The following FLI1 variants were observed in gnomAD, a reference collection of about 807,000 sequenced individuals.
FLI1 encodes Friend leukemia integration 1 transcription factor.
Under a neutral mutation model 53.1 loss-of-function variants are expected in FLI1, and 13 were observed. The observed-to-expected ratio is 0.24, with a 90% CI of 0.16 to 0.39. The LOEUF (loss-of-function observed/expected upper bound fraction) is 0.39. FLI1 is among the 10% of genes least tolerant of loss of function. The probability of loss-of-function intolerance (pLI) is 1.00; values close to 1 mark genes in which losing one functional copy is unlikely to be tolerated. For missense variants in FLI1, 424 were observed against 600.5 expected (o/e 0.71, Z 3.07); for synonymous variants, 244 against 236.7 (o/e 1.03, Z -0.28).
chr11:128,780,608 T>C (rs1170842526), intron 4 of FLI1, among the ~76,000 whole-genome samples: 1 of 152,100 alleles, frequency 6.6e-6, no homozygotes, highest in Non-Finnish European at 1.5e-5. Flanking sequence ...AAAAAATAAA[T>C]AAATAAATTC....
chr11:128,701,400 T>C (rs1938327980), intron 1 of FLI1, among the ~76,000 whole-genome samples: 1 of 152,238 alleles, frequency 6.6e-6, no homozygotes, highest in African/African-American at 2.4e-5. Flanking sequence ...CATTCTTCCA[T>C]GAGTTGGCTG....
At chr11:128,757,041 ATTTTTT>A (rs1940893456) in intron 1 of FLI1, among the ~76,000 whole-genome samples, 1 of 123,298 alleles carries the variant, frequency 8.1e-6, no homozygotes, top group South Asian at 2.6e-4. Context: ...TATCTAGCTA[ATTTTTT>A]CTTTCTTTCT....
At chr11:128,773,951 C>T (rs1035249801) in intron 4 of FLI1, among the ~76,000 whole-genome samples, 1 of 152,034 alleles carries the variant, frequency 6.6e-6, no homozygotes, top group Non-Finnish European at 1.5e-5. Context: ...AAGGCAGCTG[C>T]GAGTCTTGCA....
chr11:128,787,788 T>C (rs1942135919), intron 5 of FLI1, among the ~76,000 whole-genome samples: 1 of 149,728 alleles, frequency 6.7e-6, no homozygotes, highest in African/African-American at 2.5e-5. Context: ...ATTAACATTA[T>C]TATTGAAAGC....
At chr11:128,730,214 T>C (rs1939637319) in intron 1 of FLI1, among the ~76,000 whole-genome samples, 1 of 152,256 alleles carries the variant, frequency 6.6e-6, no homozygotes, top group African/African-American at 2.4e-5. Context: ...TTAAAAACTT[T>C]ACTTATATCC....
At chr11:128,781,849 C>G in intron 4 of FLI1, 109 bp from the exon 5 acceptor site, 32 of 843,172 alleles carry the variant, frequency 3.8e-5, no homozygotes, top group Non-Finnish European at 5.8e-5. Context: ...CTCTGTCCCT[C>G]TTCCCCTCTC....
At chr11:128,780,002 G>A (rs768515319) in intron 4 of FLI1, among the ~76,000 whole-genome samples, 1 of 152,204 alleles carries the variant, frequency 6.6e-6, no homozygotes. Flanking sequence ...AAAAGATACA[G>A]TAAAAATACA....
chr11:128,809,248 C>T (rs574261476), intron 8 of FLI1, 44 bp downstream of exon 8: 11 of 1,560,590 alleles, frequency 7.0e-6, no homozygotes, highest in Admixed American at 6.7e-5. Context: ...CAGAATGTTT[C>T]GTAGCTTTGT....
At chr11:128,686,021 C>A (rs990959048), upstream of FLI1, 1 of 228,800 alleles carries the variant, frequency 4.4e-6, no homozygotes, top group African/African-American at 2.3e-5. Flanking sequence ...TTCCCAAAAA[C>A]CTATTTTCTA....
intron 1 of FLI1, among the ~76,000 whole-genome samples, chr11:128,722,935 CA>C (rs1159938323): frequency 6.6e-6 from 1 of 152,156 alleles, no homozygotes; most frequent in African/African-American, 2.4e-5. Flanking sequence ...GGCTCATCAA[CA>C]GTGAATGCTT....
chr11:128,754,812 A>G (rs1212779920), intron 1 of FLI1, among the ~76,000 whole-genome samples: 1 of 152,208 alleles, frequency 6.6e-6, no homozygotes, highest in African/African-American at 2.4e-5. Flanking sequence ...AAATGCCCAG[A>G]CTGGACAGAA....
chr11:128,778,155 T>A (rs1188374540), intron 4 of FLI1, among the ~76,000 whole-genome samples: 1 of 152,188 alleles, frequency 6.6e-6, no homozygotes, highest in East Asian at 1.9e-4. Flanking sequence ...TACAAATATA[T>A]ACATACAAAC....
At chr11:128,773,291 A>C (rs1313126256) in intron 4 of FLI1, among the ~76,000 whole-genome samples, 1 of 152,210 alleles carries the variant, frequency 6.6e-6, no homozygotes, top group Non-Finnish European at 1.5e-5. Context: ...TCCAATTTGA[A>C]AATAGATAGA....
At chr11:128,701,057 G>T (rs1353200420) in intron 1 of FLI1, among the ~76,000 whole-genome samples, 2 of 152,200 alleles carry the variant, frequency 1.3e-5, no homozygotes, top group East Asian at 3.8e-4. Flanking sequence ...GAAATGAGCA[G>T]CAGTCAGGAT....
chr11:128,733,894 TGAG>T (rs758619391), intron 1 of FLI1, among the ~76,000 whole-genome samples: 38 of 152,304 alleles, frequency 2.5e-4, no homozygotes, highest in Non-Finnish European at 4.3e-4. Flanking sequence ...CATTGTTCAG[TGAG>T]GAGTCAGCTC....
intron 5 of FLI1, among the ~76,000 whole-genome samples, chr11:128,789,534 G>T (rs1213517155): frequency 6.6e-6 from 1 of 152,152 alleles, no homozygotes; most frequent in Non-Finnish European, 1.5e-5. Flanking sequence ...GAAATTCTCC[G>T]TAACTCAAAA....
chr11:128,805,637 T>G (rs1342402478), intron 6 of FLI1: 1 of 538,796 alleles, frequency 1.9e-6, no homozygotes, highest in Non-Finnish European at 3.3e-6. Flanking sequence ...TTTTGAGTTT[T>G]GTTTTATTGC....
In FLI1 at chr11:128,739,233, G is replaced by A. The variant is rs779785537; in HGVS notation, c.19-18882G>A. Among the ~76,000 whole-genome samples the A allele has an allele frequency of 7.7e-4, 118 of 152,268 alleles. 3 individuals carry two copies. Among genetic ancestry groups the A allele is most frequent in the African/African-American group, 5.1e-4 (21 of 41,548 alleles). ...TAGCACTTGCTCCATTCTTAGGAAC[G>A]TGGTTCTCTTGCTCTTCCCCATGCA... On this transcript the variant is annotated intron_variant, in intron 1 of 8. Transcript: ENST00000527786.
At chr11:128,719,935 A>T (rs1429142565) in intron 1 of FLI1, among the ~76,000 whole-genome samples, 2 of 152,128 alleles carry the variant, frequency 1.3e-5, no homozygotes, top group Non-Finnish European at 2.9e-5. Flanking sequence ...ACTTTTTTTT[A>T]AAACTCATTA....
Sources: allele counts gnomAD v4.1 joint callset (sites outside exome capture counted in the v4.1 genomes callset), GRCh38; gene constraint gnomAD v4.1.1; transcripts MANE v1.5; gene names NCBI Gene and HGNC (gene_info 2026-07-23, HGNC 2026-07-21).